The following NRP1 variants were observed in gnomAD, a reference collection of about 807,000 sequenced individuals.
NRP1 encodes neuropilin 1, also known as neuropilin-1.
NRP1 carries 35 observed loss-of-function variants against 106.7 expected under a neutral mutation model. The ratio of observed to expected loss-of-function variants is 0.33; its 90% CI spans 0.25 to 0.43. The LOEUF (loss-of-function observed/expected upper bound fraction) is 0.43. Among genes scored for constraint, NRP1 ranks in the 20% least tolerant of loss-of-function variants. The probability of loss-of-function intolerance (pLI) is 1.00; values close to 1 mark genes in which losing one functional copy is unlikely to be tolerated. For missense variants in NRP1, 1,024 were observed against 1,170.4 expected (o/e 0.87, Z 1.83); for synonymous variants, 437 against 417.9 (o/e 1.05, Z -0.56).
At chr10:33,233,267 C>T (rs536767594) in intron 6 of NRP1, among the ~76,000 whole-genome samples, 19 of 152,246 alleles carry the variant, frequency 1.2e-4, no homozygotes, top group South Asian at 1.2e-3. Flanking sequence ...CACCTCCCCA[C>T]GGCACTGGGT....
chr10:33,214,946 A>G (rs1465200827), intron 8 of NRP1, among the ~76,000 whole-genome samples: 3 of 152,240 alleles, frequency 2.0e-5, no homozygotes, highest in Non-Finnish European at 4.4e-5. Flanking sequence ...ACACTTAAAA[A>G]TGTACAATGA....
At chr10:33,238,143 A>G (rs982395972) in intron 6 of NRP1, among the ~76,000 whole-genome samples, 10 of 152,348 alleles carry the variant, frequency 6.6e-5, no homozygotes, top group African/African-American at 2.4e-4. Flanking sequence ...GAGTCCAAGC[A>G]TTCCTGGGAA....
chr10:33,288,107 T>C (rs1412936457), intron 2 of NRP1, among the ~76,000 whole-genome samples: 1 of 152,090 alleles, frequency 6.6e-6, no homozygotes, highest in Non-Finnish European at 1.5e-5. Context: ...TCCTAGTAGA[T>C]AAATGTCAGG....
intron 3 of NRP1, among the ~76,000 whole-genome samples, chr10:33,264,310 G>T (rs894985226): frequency 2.0e-5 from 3 of 152,316 alleles, no homozygotes; most frequent in Non-Finnish European, 4.4e-5. Context: ...AGGCAGTTTG[G>T]GTTTCAGATT....
chr10:33,232,757 C>T (rs1302610161), intron 6 of NRP1, among the ~76,000 whole-genome samples: 1 of 151,130 alleles, frequency 6.6e-6, no homozygotes, highest in East Asian at 1.9e-4. Context: ...ATTCTCCTGC[C>T]TCAGCCTTCA....
intron 2 of NRP1, among the ~76,000 whole-genome samples, chr10:33,289,750 T>A (rs1162726279): frequency 6.6e-6 from 1 of 152,214 alleles, no homozygotes; most frequent in Non-Finnish European, 1.5e-5. Flanking sequence ...CTCTATTTCC[T>A]TCAATTAGGC....
At chr10:33,195,348 A>G in intron 12 of NRP1, 1 of 358,916 alleles carries the variant, frequency 2.8e-6, no homozygotes, top group Non-Finnish European at 5.4e-6. Flanking sequence ...TAGATTAAAA[A>G]TGTAAGGATC....
In NRP1 at chr10:33,186,197, G is replaced by A; in HGVS notation, c.2334+20C>T. 2.6e-6 allele frequency: 4 copies of A among 1,564,074 alleles called. No individual in the cohort carries two copies. Among genetic ancestry groups the A allele is most frequent in the Non-Finnish European group, 3.5e-6 (4 of 1,151,336 alleles). ...ATTCCTGCAGCCACTGCCCTCCCCAGCCTTGGGAAGAGGTCATACCTGATA... is the reference window on the plus strand; with the variant it reads ...ATTCCTGCAGCCACTGCCCTCCCCAACCTTGGGAAGAGGTCATACCTGATA... On this transcript the variant is annotated intron_variant, in intron 14 of 16. Transcript: ENST00000374867.
At chr10:33,320,880 G>A (rs1431914525) in intron 2 of NRP1, among the ~76,000 whole-genome samples, 2 of 152,238 alleles carry the variant, frequency 1.3e-5, no homozygotes, top group Non-Finnish European at 2.9e-5. Flanking sequence ...ACGGAGATGG[G>A]TGCTGGAAGG....
intron 15 of NRP1, among the ~76,000 whole-genome samples, chr10:33,183,729 A>C (rs1259339990): frequency 6.6e-6 from 1 of 152,224 alleles, no homozygotes; most frequent in Non-Finnish European, 1.5e-5. Context: ...CTATGTATGA[A>C]TGAATGAAAG....
intron 6 of NRP1, among the ~76,000 whole-genome samples, chr10:33,226,577 G>T (rs1295543090): frequency 2.0e-5 from 3 of 152,178 alleles, no homozygotes; most frequent in Admixed American, 1.3e-4. Context: ...ACTAGTTCAG[G>T]CTATGATAGG....
chr10:33,302,346 C>A (rs1038135517), intron 2 of NRP1, among the ~76,000 whole-genome samples: 6 of 152,184 alleles, frequency 3.9e-5, no homozygotes, highest in African/African-American at 1.4e-4. Flanking sequence ...CCTGTTTGGC[C>A]CCTTTGCGTA....
At chr10:33,309,790 T>G (rs1846439084) in intron 2 of NRP1, among the ~76,000 whole-genome samples, 1 of 152,222 alleles carries the variant, frequency 6.6e-6, no homozygotes. Context: ...CTACGAAAAG[T>G]CAATTTCTAC....
intron 2 of NRP1, among the ~76,000 whole-genome samples, chr10:33,314,641 C>G (rs539531336): frequency 6.6e-6 from 1 of 152,204 alleles, no homozygotes; most frequent in African/African-American, 2.4e-5. Context: ...TTGTGCCACA[C>G]GCCTTAAGAA....
chr10:33,237,516 C>CAA (rs60847673), intron 6 of NRP1, among the ~76,000 whole-genome samples: 51 of 148,604 alleles, frequency 3.4e-4, no homozygotes, highest in African/African-American at 1.2e-3. Flanking sequence ...CACACACACA[C>CAA]AAATCCCACC....
At chr10:33,222,916 C>G (rs1839372667) in intron 7 of NRP1, among the ~76,000 whole-genome samples, 1 of 152,236 alleles carries the variant, frequency 6.6e-6, no homozygotes, top group South Asian at 2.1e-4. Flanking sequence ...GGGGGCCACT[C>G]TGCCTGGGCG....
chr10:33,191,913 G>A (rs749803062), intron 13 of NRP1, among the ~76,000 whole-genome samples: 24 of 151,018 alleles, frequency 1.6e-4, no homozygotes, highest in Non-Finnish European at 3.1e-4. Context: ...AGGAGGCGGA[G>A]GTTGCAGTGA....
chr10:33,254,966 A>G (rs958143360), intron 5 of NRP1, among the ~76,000 whole-genome samples: 1 of 152,222 alleles, frequency 6.6e-6, no homozygotes, highest in Non-Finnish European at 1.5e-5. Context: ...TGAAACATCA[A>G]AATCTATATT....
chr10:33,308,640 C>T (rs2132762256), intron 2 of NRP1, among the ~76,000 whole-genome samples: 1 of 152,042 alleles, frequency 6.6e-6, no homozygotes, highest in South Asian at 2.1e-4. Flanking sequence ...GCATGCATCA[C>T]TATGTCCAGC....
Sources: allele counts gnomAD v4.1 joint callset (sites outside exome capture counted in the v4.1 genomes callset), GRCh38; gene constraint gnomAD v4.1.1; transcripts MANE v1.5; gene names NCBI Gene and HGNC (gene_info 2026-07-23, HGNC 2026-07-21).